MAK16: variants seen among roughly 807,000 people sequenced by gnomAD.
The protein encoded by MAK16 is protein MAK16 homolog.
MAK16 carries 12 observed loss-of-function variants against 49.9 expected under a neutral mutation model. The observed-to-expected ratio is 0.24, with a 90% CI of 0.15 to 0.39. MAK16 has a LOEUF of 0.39. Ranked by LOEUF, MAK16 falls within the 10% of genes least tolerant of loss-of-function variation. The pLI is 1.00. For synonymous variants in MAK16, 115 were observed against 126.4 expected (o/e 0.91, Z 0.60); for missense variants, 292 against 363.7 (o/e 0.80, Z 1.60).
chr8:33,500,820 T>C lies in MAK16; in HGVS notation c.*2191T>C. 1 of 238,236 alleles carries C rather than the reference T, an allele frequency of 4.2e-6. No homozygotes were observed. Among genetic ancestry groups the C allele is most frequent in the Non-Finnish European group, 8.3e-6 (1 of 120,658 alleles). The allele number at this position is 238,236 out of a possible 1,614,324, so 14.8% of individuals were successfully genotyped here. ...TCTCCCCAACCAAGGGCCTATACTT[T>C]TATTTTTCAACTCTATTAACTGAAC... is the stretch of plus-strand genomic sequence containing the variant. On this transcript the variant is annotated 3_prime_UTR_variant, in exon 10 of 10. Transcript: ENST00000360128.
At chr8:33,498,125 C>A (rs1331554780) in intron 9 of MAK16, among the ~76,000 whole-genome samples, 1 of 148,030 alleles carries the variant, frequency 6.8e-6, no homozygotes, top group Non-Finnish European at 1.5e-5. Context: ...AATTAAAATT[C>A]AGCTGGATGT....
At chr8:33,498,372 G>A in intron 9 of MAK16, 60 bp from the exon 10 acceptor site, 2 of 1,482,460 alleles carry the variant, frequency 1.3e-6, no homozygotes, top group Non-Finnish European at 1.9e-6. Context: ...GGACAAGGAA[G>A]GGAGTTTGGA....
intron 3 of MAK16, 50 bp downstream of exon 3, chr8:33,488,679 G>A (rs552380282): frequency 2.5e-6 from 4 of 1,611,620 alleles, no homozygotes; most frequent in Non-Finnish European, 3.4e-6. Flanking sequence ...AGCTTTTACA[G>A]GGATGTTCTT....
At position 33,498,798 on chromosome 8, in the gene MAK16, G is replaced by C. The variant is rs1393973357; in HGVS notation, c.*169G>C. ...GTCAGTGGGGCAAGAAATCTGGAGT[G>C]AGTGAAGAAAGCTAAGTTGTGAACA... On this transcript the variant is annotated 3_prime_UTR_variant, in exon 10 of 10. Transcript: ENST00000360128. 4 of 651,296 alleles carry C rather than the reference G, an allele frequency of 6.1e-6. No homozygotes were observed. The highest frequency in any genetic ancestry group is 5.5e-5 in the African/African-American group (3 of 54,544). 40.3% of individuals were successfully genotyped at this position (651,296 alleles called of 1,614,324 possible).
chr8:33,496,348 G>A (rs1808857671), intron 7 of MAK16, among the ~76,000 whole-genome samples: 1 of 152,024 alleles, frequency 6.6e-6, no homozygotes, highest in African/African-American at 2.4e-5. Flanking sequence ...AATGACATTT[G>A]TCCCAATGCA....
chr8:33,500,612 TAAATG>T lies in MAK16; in HGVS notation c.*1987_*1991del. ...TAAATTAAGGAACTTAGGTCAAAGT[TAAATG>T]AAAAAGACCTAAAAACAGAACCAAA... On this transcript the variant is annotated 3_prime_UTR_variant, in exon 10 of 10. Transcript: ENST00000360128. The T allele has an allele frequency of 8.0e-7, 1 of 1,255,780 alleles. No homozygotes were observed. Among genetic ancestry groups the T allele is most frequent in the Non-Finnish European group, 1.1e-6 (1 of 915,834 alleles). The allele number at this position is 1,255,780 out of a possible 1,614,324, so 77.8% of individuals were successfully genotyped here. A position where few individuals can be genotyped will look rare whatever the true frequency, so the allele number is the denominator to read the frequency against.
At chr8:33,490,130 G>A (rs1177560549) in intron 5 of MAK16, among the ~76,000 whole-genome samples, 155 bp from the exon 6 acceptor site, 2 of 152,246 alleles carry the variant, frequency 1.3e-5, no homozygotes, top group Non-Finnish European at 2.9e-5. Context: ...TGTTTGAATC[G>A]CTAGCCTCCG....
intron 6 of MAK16, 98 bp from the exon 7 acceptor site, chr8:33,495,444 T>C (rs1808841812): frequency 1.0e-6 from 1 of 988,144 alleles, no homozygotes; most frequent in Non-Finnish European, 1.5e-6. Context: ...AATAATTACA[T>C]TGTCTTTCTT....
Position 33,490,323 on chromosome 8 carries a change from G to A in MAK16, c.431G>A (p.Arg144Lys), listed in dbSNP as rs756514339. ...LVPLSKKVERREKRREEKALI... is the reference protein window; with the variant it reads ...LVPLSKKVERKEKRREEKALI... ...CCTTTGAGTAAGAAGGTGGAGCGTA[G>A]GGAGAAAAGAAGAGAGGTAACTTAT... Residue 144 changes from arginine (R) to lysine (K), a missense_variant, in exon 6 of 10, where the codon AGG (arginine) becomes AAG (lysine). Transcript: ENST00000360128. The A allele has an allele frequency of 1.2e-6, 2 of 1,612,950 alleles. No homozygotes were observed. Among genetic ancestry groups the A allele is most frequent in the Admixed American group, 3.3e-5 (2 of 59,972 alleles).
chr8:33,485,481 A>G (rs1032765796), intron 1 of MAK16: 11 of 554,520 alleles, frequency 2.0e-5, no homozygotes, highest in Non-Finnish European at 3.3e-5. Context: ...CTTCGTGCCT[A>G]CCAATGCAGG....
chr8:33,492,909 T>G (rs2128824170), intron 6 of MAK16, among the ~76,000 whole-genome samples: 2 of 152,154 alleles, frequency 1.3e-5, no homozygotes, highest in African/African-American at 4.8e-5. Context: ...TAGCTTTAGC[T>G]ATCCTAGATC....
Position 33,496,669 on chromosome 8 carries a change from C to T in MAK16, c.567C>T (p.Ala189=). 6.2e-7 allele frequency: 1 copy of T among 1,613,306 alleles called. No homozygotes were observed. Among genetic ancestry groups the T allele is most frequent in the Non-Finnish European group, 8.5e-7 (1 of 1,179,666 alleles). Residue 189 remains alanine (A), a synonymous_variant, in exon 8 of 10, where the codon GCC becomes GCT. Transcript: ENST00000360128. ...YNFPIHAFDK[A]LEQQEAESDS... ...TCCCCATTCATGCCTTCGACAAAGC[C>T]CTGGAACAACAGGAGGCAGAGAGTG...
intron 8 of MAK16, 107 bp from the exon 9 acceptor site, chr8:33,497,125 C>G: frequency 1.3e-6 from 1 of 791,592 alleles, no homozygotes; most frequent in Non-Finnish European, 2.0e-6. Context: ...TTTTCATTGC[C>G]TAGTGAAAAG....
chr8:33,498,639 C>T lies in MAK16; in HGVS notation c.*10C>T. ...AGCCAAAACCACGTGATTTCCCTTT[C>T]AGCATTTATACCCAGGACTGAACAT... is the stretch of plus-strand genomic sequence containing the variant. On this transcript the variant is annotated 3_prime_UTR_variant, in exon 10 of 10. Coordinates refer to ENST00000360128, the MANE Select transcript of MAK16 (RefSeq NM_032509.4). 1.9e-6 allele frequency: 3 copies of T among 1,603,298 alleles called. No individual in the cohort carries two copies. Among genetic ancestry groups the T allele is most frequent in the Non-Finnish European group, 2.6e-6 (3 of 1,171,814 alleles).
chr8:33,498,997 A>G lies in MAK16; in HGVS notation c.*368A>G, dbSNP rs893825049. On this transcript the variant is annotated 3_prime_UTR_variant, in exon 10 of 10. Transcript: ENST00000360128. ...TTTATTTAGAAATGGAAGGAGTTCA[A>G]TTTTTTCTTGTTCTACTTTCCCTAT... The G allele has an allele frequency of 1.6e-4, 101 of 623,544 alleles. 1 individual carries two copies. The highest frequency in any genetic ancestry group is 2.1e-4 in the Non-Finnish European group (76 of 357,948). 38.6% of individuals were successfully genotyped at this position (623,544 alleles called of 1,614,324 possible).
At chr8:33,497,695 T>C (rs1194171599) in intron 9 of MAK16, among the ~76,000 whole-genome samples, 1 of 151,592 alleles carries the variant, frequency 6.6e-6, no homozygotes, top group African/African-American at 2.4e-5. Flanking sequence ...GGTTTCACCA[T>C]GTTGGCCAGG....
intron 7 of MAK16, 68 bp downstream of exon 7, chr8:33,495,684 AATTTTTTTTTTT>A: frequency 3.0e-6 from 1 of 331,658 alleles, no homozygotes; most frequent in Non-Finnish European, 5.5e-6. Context: ...ACATATTGGG[AATTTTTTTTTTT>A]TTTTTTTTTT....
intron 6 of MAK16, among the ~76,000 whole-genome samples, chr8:33,491,198 A>G (rs1808772731): frequency 1.3e-5 from 2 of 152,186 alleles, no homozygotes; most frequent in South Asian, 4.1e-4. Context: ...ATGGACACTT[A>G]GGTTGCTTCC....
In MAK16 at chr8:33,498,517, C is replaced by T. The variant is rs763923687; in HGVS notation, c.791C>T (p.Ala264Val). ...SEEEEEKALS[A>V]KHKGKMPLRG... ...GAGGAGGAAGAAAAGGCCCTTAGTG[C>T]GAAACACAAAGGCAAAATGCCCTTG... is the stretch of plus-strand genomic sequence containing the variant. Residue 264 changes from alanine to valine, a missense_variant, in exon 10 of 10, where the codon GCG (alanine) becomes GTG (valine). Transcript: ENST00000360128. The T allele has an allele frequency of 3.3e-5, 54 of 1,613,662 alleles. No individual in the cohort carries two copies. The highest frequency in any genetic ancestry group is 3.3e-4 in the Middle Eastern group (2 of 6,082).
Sources: allele counts gnomAD v4.1 joint callset (sites outside exome capture counted in the v4.1 genomes callset), GRCh38; gene constraint gnomAD v4.1.1; transcripts MANE v1.5; gene names NCBI Gene and HGNC (gene_info 2026-07-23, HGNC 2026-07-21).